Variants in PPIC observed in about 807,000 individuals in gnomAD.
PPIC encodes the protein peptidyl-prolyl cis-trans isomerase C.
In PPIC, 19 loss-of-function variants were observed where a neutral mutation model predicts 19.5. That is an observed-to-expected ratio of 0.98 (90% confidence interval 0.68 to 1.43). The LOEUF (loss-of-function observed/expected upper bound fraction) is 1.43, where lower values mean the gene tolerates loss of function less well. Ranked by LOEUF, PPIC falls within the 40% of genes most tolerant of loss-of-function variation. The pLI is 0.00. For missense variants in PPIC, 268 were observed against 268.6 expected (o/e 1.00, Z 0.02); for synonymous variants, 107 against 101.2 (o/e 1.06, Z -0.34).
In PPIC at chr5:123,036,227, C is replaced by T; in HGVS notation, c.117+282G>A. ...GCCGGTTCCGGAAGCCTCTCCTACC[C>T]CCAGGCTGGTCACCTCGGACTACCG... On this transcript the variant is annotated intron_variant, in intron 1 of 4. Transcript: ENST00000306442. This position sits in a 1 kb window ranked among gnomAD's most constrained non-coding sequence, Gnocchi z 4.5. 1 of 484,136 alleles carries T rather than the reference C, an allele frequency of 2.1e-6. No individual in the cohort carries two copies. The highest frequency in any genetic ancestry group is 3.7e-6 in the Non-Finnish European group (1 of 268,100). The allele number at this position is 484,136 out of a possible 1,614,324, so 30.0% of individuals were successfully genotyped here. A position where few individuals can be genotyped will look rare whatever the true frequency, so the allele number is the denominator to read the frequency against.
rs1307695160 is a variant in PPIC at position 123,024,348 on chromosome 5, G to T, written c.511-345C>A. ...TAGTAAAAGGCATTTCCATTCACCT[G>T]GTATAAGCCAGCGTAACAGTTAACA... On this transcript the variant is annotated intron_variant, in intron 4 of 4. Coordinates refer to ENST00000306442, the MANE Select transcript of PPIC (RefSeq NM_000943.5). Among the ~76,000 whole-genome samples, 7 of 152,126 alleles carry T rather than the reference G, an allele frequency of 4.6e-5. 1 individual carries two copies. Among genetic ancestry groups the T allele is most frequent in the Admixed American group, 4.6e-4 (7 of 15,276 alleles).
intron 1 of PPIC, among the ~76,000 whole-genome samples, chr5:123,035,921 G>A (rs967210738): frequency 1.3e-5 from 2 of 151,746 alleles, no homozygotes; most frequent in African/African-American, 4.8e-5. Context: ...CCGCCCGCCC[G>A]CCGAAGTTGA....
chr5:123,023,879 CAATCAGCGATCTCAACCACAAAA>C lies in PPIC; in HGVS notation c.612_634del (p.Phe205ValfsTer57). The C allele has an allele frequency of 6.2e-7, 1 of 1,612,434 alleles. No individual in the cohort carries two copies. Among genetic ancestry groups the C allele is most frequent in the Non-Finnish European group, 8.5e-7 (1 of 1,179,242 alleles). On this transcript the variant is annotated frameshift_variant, in exon 5 of 5. Coordinates refer to ENST00000306442, the MANE Select transcript of PPIC (RefSeq NM_000943.5). LOFTEE classifies it high-confidence loss of function. ...CCTTGTTTTCTGCCAGTTGTGTCACCAATCAGCGATCTCAACCACAAAAGGCGTTTTCACGTCTATCTTGCCAC... is the reference window on the plus strand; with the variant it reads ...CCTTGTTTTCTGCCAGTTGTGTCACCGGCGTTTTCACGTCTATCTTGCCAC...
intron 1 of PPIC, among the ~76,000 whole-genome samples, chr5:123,035,457 G>C (rs1480271622): frequency 6.6e-6 from 1 of 152,012 alleles, no homozygotes; most frequent in Non-Finnish European, 1.5e-5. Context: ...CGCCCACAAC[G>C]TGGCACGGCC....
Position 123,036,166 on chromosome 5 carries a change from A to C in PPIC, c.117+343T>G. 2 of 259,200 alleles carry C rather than the reference A, an allele frequency of 7.7e-6. No individual in the cohort carries two copies. The highest frequency in any genetic ancestry group is 1.5e-5 in the Non-Finnish European group (2 of 134,372). 16.1% of individuals were successfully genotyped at this position (259,200 alleles called of 1,614,324 possible). A position where few individuals can be genotyped will look rare whatever the true frequency, so the allele number is the denominator to read the frequency against. On this transcript the variant is annotated intron_variant, in intron 1 of 4. Transcript: ENST00000306442. The surrounding 1 kb of genome is among the most constrained non-coding windows in gnomAD (Gnocchi z 4.5). Reference sequence around the variant, plus strand: ...CCCGAGCCCAGGCCACGCTGAAGGAAGTACTTGGGCAGTCTCTTTCCTGGA... The same window carrying C: ...CCCGAGCCCAGGCCACGCTGAAGGACGTACTTGGGCAGTCTCTTTCCTGGA...
Position 123,024,353 on chromosome 5 carries a change from AAGC to A in PPIC, c.511-353_511-351del, listed in dbSNP as rs1337653298. Among the ~76,000 whole-genome samples, 4 of 152,320 alleles carry A rather than the reference AAGC, an allele frequency of 2.6e-5. No individual in the cohort carries two copies. In the East Asian group the frequency reaches 7.7e-4, roughly 29 times the overall value. ...AAAGGCATTTCCATTCACCTGGTATAAGCCAGCGTAACAGTTAACATGAAGTCT... is the reference window on the plus strand; with the variant it reads ...AAAGGCATTTCCATTCACCTGGTATACAGCGTAACAGTTAACATGAAGTCT... On this transcript the variant is annotated intron_variant, in intron 4 of 4. Coordinates refer to ENST00000306442, the MANE Select transcript of PPIC (RefSeq NM_000943.5).
At chr5:123,032,914 G>A (rs1300458575) in intron 1 of PPIC, among the ~76,000 whole-genome samples, 1 of 152,108 alleles carries the variant, frequency 6.6e-6, no homozygotes, top group Non-Finnish European at 1.5e-5. Context: ...AAAGTCATTT[G>A]AAAATTACTC....
intron 1 of PPIC, among the ~76,000 whole-genome samples, 163 bp from the exon 2 acceptor site, chr5:123,029,581 G>A (rs1762917035): frequency 1.3e-5 from 2 of 152,172 alleles, no homozygotes; most frequent in Non-Finnish European, 2.9e-5. Context: ...TAAAACTATT[G>A]TGTGGGTGCA....
rs1480938699 is a variant in PPIC, at chr5:123,029,335, C to T, written c.201G>A (p.Val67=). The T allele has an allele frequency of 6.2e-7, 1 of 1,613,912 alleles. No individual in the cohort carries two copies. Among genetic ancestry groups the T allele is most frequent in the Non-Finnish European group, 8.5e-7 (1 of 1,179,906 alleles). The change falls in exon 2 of 5, where the codon GTG becomes GTA. Residue 67 remains valine, a synonymous_variant. Coordinates refer to ENST00000306442, the MANE Select transcript of PPIC (RefSeq NM_000943.5). ...GLFGKVVPKT[V]ENFVALATGE... is the part of the protein sequence containing the mutation. ...CTGTTGCTAGAGCAACAAAATTTTC[C>T]ACTGTCTTGGGCACAACTTTTCCAA...
rs76400881 is a variant in PPIC at position 123,023,984 on chromosome 5, T to A, written c.530A>T (p.Glu177Val). The change falls in exon 5 of 5, where the codon GAG becomes GTG. Residue 177 changes from glutamate to valine, a missense_variant. By Grantham distance (121) the Glu-to-Val change is moderately radical. Coordinates refer to ENST00000306442, the MANE Select transcript of PPIC (RefSeq NM_000943.5). ...GTCATGCCCATCAGTTGCTTGGAGC[T>A]CTATGGAGTGCACCACTGTCTGGTG... ...IDGMTVVHSI[E>V]LQATDGHDRP... 1.7e-4 allele frequency: 272 copies of A among 1,613,536 alleles called. 3 individuals carry two copies. The East Asian group carries it at 5.7e-3, about 34-fold the overall frequency.
chr5:123,029,387 T>C lies in PPIC; in HGVS notation c.149A>G (p.Asp50Gly). 1 of 1,608,252 alleles carries C rather than the reference T, an allele frequency of 6.2e-7. No homozygotes were observed. Among genetic ancestry groups the C allele is most frequent in the Non-Finnish European group, 8.5e-7 (1 of 1,176,566 alleles). The change falls in exon 2 of 5, where the codon GAT becomes GGT. Residue 50 changes from aspartate to glycine, a missense_variant. Coordinates refer to ENST00000306442, the MANE Select transcript of PPIC (RefSeq NM_000943.5). ...GAGGCCAATCACAATTCTGCCAACA[T>C]CTTTGTCTCCAATCCTCACATCAAA... ...VFFDVRIGDK[D>G]VGRIVIGLFG...
At chr5:123,024,673 G>C (rs2150188190) in intron 4 of PPIC, among the ~76,000 whole-genome samples, 1 of 152,350 alleles carries the variant, frequency 6.6e-6, no homozygotes, top group South Asian at 2.1e-4. Context: ...AGACAGCATT[G>C]AGGCTACTAG....
At chr5:123,032,599 G>T (rs980449404) in intron 1 of PPIC, among the ~76,000 whole-genome samples, 3 of 152,142 alleles carry the variant, frequency 2.0e-5, no homozygotes, top group Non-Finnish European at 4.4e-5. Flanking sequence ...CTCACCACTG[G>T]ATTCATCTCT....
chr5:123,027,483 C>G (rs1250954581), intron 3 of PPIC, among the ~76,000 whole-genome samples: 1 of 152,186 alleles, frequency 6.6e-6, no homozygotes, highest in Non-Finnish European at 1.5e-5. Context: ...GATGCCAGCA[C>G]CGAGGGCACG....
chr5:123,036,552 C>G lies in PPIC; in HGVS notation c.74G>C (p.Gly25Ala), dbSNP rs368306220. The G allele has an allele frequency of 1.1e-5, 17 of 1,604,732 alleles. No homozygotes were observed. The African/African-American group carries it at 2.0e-4, about 19-fold the overall frequency. The change falls in exon 1 of 5, where the codon GGG (glycine) becomes GCG (alanine). Residue 25 changes from glycine (G) to alanine (A), a missense_variant. Transcript: ENST00000306442. This position sits in a 1 kb window ranked among gnomAD's most constrained non-coding sequence, Gnocchi z 4.5. ...GCCTCGCTTGCGGAAGCCCTCGGCC[C>G]CCGAAGAAAACACAAGTGCGCCGAG... ...VGLGALVFSS[G>A]AEGFRKRGPS...
chr5:123,026,698 C>A (rs921801855), intron 3 of PPIC, among the ~76,000 whole-genome samples: 1 of 152,182 alleles, frequency 6.6e-6, no homozygotes, highest in African/African-American at 2.4e-5. Flanking sequence ...ACCCAGTGGT[C>A]AACCTTGAAC....
intron 4 of PPIC, among the ~76,000 whole-genome samples, chr5:123,024,675 G>A (rs1255056296): frequency 6.6e-6 from 1 of 152,170 alleles, no homozygotes; most frequent in African/African-American, 2.4e-5. Context: ...ACAGCATTGA[G>A]GCTACTAGCT....
chr5:123,032,469 G>A (rs910068788), intron 1 of PPIC, among the ~76,000 whole-genome samples: 18 of 152,156 alleles, frequency 1.2e-4, no homozygotes. Context: ...TCAGCAGGAG[G>A]AGGCAGTCAA....
rs1394477900 is a variant in PPIC, at chr5:123,036,156, C to G, written c.117+353G>C. The stretch of plus-strand genomic sequence containing the variant: ...TCGTTCTGCTCCCGAGCCCAGGCCA[C>G]GCTGAAGGAAGTACTTGGGCAGTCT... On this transcript the variant is annotated intron_variant, in intron 1 of 4. Transcript: ENST00000306442. The surrounding 1 kb of genome is among the most constrained non-coding windows in gnomAD (Gnocchi z 4.5). 3 of 271,724 alleles carry G rather than the reference C, an allele frequency of 1.1e-5. No homozygotes were observed. Among genetic ancestry groups the G allele is most frequent in the South Asian group, 8.4e-5 (2 of 23,926 alleles). The allele number at this position is 271,724 out of a possible 1,614,324, so 16.8% of individuals were successfully genotyped here.
Sources: allele counts gnomAD v4.1 joint callset (sites outside exome capture counted in the v4.1 genomes callset), GRCh38; gene constraint gnomAD v4.1.1; non-coding constraint Gnocchi (gnomAD v3.1); transcripts MANE v1.5; gene names NCBI Gene and HGNC (gene_info 2026-07-23, HGNC 2026-07-21).